ARHGAP26: variants seen among roughly 807,000 people sequenced by gnomAD.
ARHGAP26 encodes rho GTPase-activating protein 26.
Under a neutral mutation model 104.8 loss-of-function variants are expected in ARHGAP26, and 38 were observed. The observed-to-expected ratio is 0.36, with a 90% CI of 0.28 to 0.48. The LOEUF (loss-of-function observed/expected upper bound fraction) is 0.48. Among genes scored for constraint, ARHGAP26 ranks in the 20% least tolerant of loss-of-function variants. The probability of loss-of-function intolerance (pLI) is 0.99; values close to 1 mark genes in which losing one functional copy is unlikely to be tolerated. For missense variants in ARHGAP26, 704 were observed against 947.9 expected, an observed-to-expected ratio of 0.74 and a Z score of 3.38; for synonymous variants, 341 against 340.0, an observed-to-expected ratio of 1.00 and a Z score of -0.03.
At chr5:143,196,524 T>G (rs1436562748) in intron 20 of ARHGAP26, among the ~76,000 whole-genome samples, 2 of 152,152 alleles carry the variant, frequency 1.3e-5, no homozygotes, top group Admixed American at 1.3e-4. Flanking sequence ...GTCACCTCAT[T>G]TAATATTATT....
intron 17 of ARHGAP26, among the ~76,000 whole-genome samples, chr5:143,065,174 G>C (rs1327965345): frequency 6.6e-6 from 1 of 152,108 alleles, no homozygotes; most frequent in Non-Finnish European, 1.5e-5. Context: ...ACATGACTCA[G>C]TTTCTTCCTT....
chr5:142,897,458 G>T (rs3850572), intron 6 of ARHGAP26, among the ~76,000 whole-genome samples: 17,668 of 152,142 alleles, frequency 0.12, 1,988 homozygotes, highest in African/African-American at 0.29. Flanking sequence ...ATGGGGAGAA[G>T]GTATTCATAC....
At chr5:142,987,239 T>G (rs1774887732) in intron 11 of ARHGAP26, among the ~76,000 whole-genome samples, 1 of 152,212 alleles carries the variant, frequency 6.6e-6, no homozygotes, top group Non-Finnish European at 1.5e-5. Flanking sequence ...TCCTAGGTAT[T>G]TTATTCTCTT....
At chr5:143,056,233 G>A (rs1269948498) in intron 16 of ARHGAP26, 147 bp downstream of exon 16, 22 of 576,938 alleles carry the variant, frequency 3.8e-5, no homozygotes, top group Non-Finnish European at 3.0e-5. Context: ...ATTCTAACAC[G>A]GAATAAAAAG....
chr5:143,063,262 C>T (rs746519043), intron 17 of ARHGAP26, among the ~76,000 whole-genome samples: 5 of 152,162 alleles, frequency 3.3e-5, no homozygotes, highest in Non-Finnish European at 5.9e-5. Flanking sequence ...TCTCTGTCTC[C>T]ATCAGTACTC....
At chr5:143,081,050 T>C (rs80078050) in intron 17 of ARHGAP26, among the ~76,000 whole-genome samples, 2,209 of 152,132 alleles carry the variant, frequency 0.015, 51 homozygotes, top group East Asian at 0.1. Context: ...GTTTTTGGCC[T>C]TCACTGGGGG....
chr5:142,935,048 T>G (rs1765219097), intron 11 of ARHGAP26, among the ~76,000 whole-genome samples: 1 of 152,222 alleles, frequency 6.6e-6, no homozygotes, highest in African/African-American at 2.4e-5. Flanking sequence ...CTTCCTACAA[T>G]AAGCATTATG....
At chr5:142,978,741 G>A (rs1277594824) in intron 11 of ARHGAP26, among the ~76,000 whole-genome samples, 1 of 138,224 alleles carries the variant, frequency 7.2e-6, no homozygotes. Flanking sequence ...CAAGAAAGGA[G>A]TTTGCCTTTT....
rs145948711 is a variant in ARHGAP26, at chr5:142,912,259, A to G, written c.934-940A>G. 5.9e-5 allele frequency among the ~76,000 whole-genome samples: 9 copies of G among 152,368 alleles called. No homozygotes were observed. The East Asian group carries it at 7.7e-4, about 13-fold the overall frequency. On this transcript the variant is annotated intron_variant, in intron 9 of 22. Coordinates refer to ENST00000645722, the MANE Select transcript of ARHGAP26 (RefSeq NM_001135608.3). ...AAATAAGCCCTTGATATGCACAACA[A>G]TGTGGATGAATAGCAAAGCAATTAC... is the stretch of plus-strand genomic sequence containing the variant.
chr5:143,061,407 C>T (rs1786680100), intron 17 of ARHGAP26, among the ~76,000 whole-genome samples: 1 of 152,126 alleles, frequency 6.6e-6, no homozygotes, highest in Non-Finnish European at 1.5e-5. Context: ...GATTTATTAC[C>T]GTGTATGCAG....
At chr5:142,945,020 G>A (rs529519423) in intron 11 of ARHGAP26, among the ~76,000 whole-genome samples, 1 of 152,278 alleles carries the variant, frequency 6.6e-6, no homozygotes, top group East Asian at 1.9e-4. Flanking sequence ...CACCTGGGCT[G>A]TCCTCATTCA....
intron 17 of ARHGAP26, 36 bp downstream of exon 17, chr5:143,057,783 C>T (rs373338867): frequency 6.5e-7 from 1 of 1,546,674 alleles, no homozygotes; most frequent in East Asian, 2.2e-5. Flanking sequence ...TTTTTCTTAC[C>T]CCTGAAAGTT....
At chr5:143,059,909 C>G (rs1786447222) in intron 17 of ARHGAP26, among the ~76,000 whole-genome samples, 1 of 152,156 alleles carries the variant, frequency 6.6e-6, no homozygotes, top group South Asian at 2.1e-4. Flanking sequence ...GTTCTTGTCT[C>G]TCGAGCCTCT....
chr5:142,918,585 A>G (rs953046629), intron 10 of ARHGAP26, among the ~76,000 whole-genome samples: 1 of 152,196 alleles, frequency 6.6e-6, no homozygotes, highest in Non-Finnish European at 1.5e-5. Flanking sequence ...ATTGGCTTCT[A>G]CATGATTTCA....
intron 20 of ARHGAP26, among the ~76,000 whole-genome samples, chr5:143,198,434 A>G (rs1482733053): frequency 6.6e-6 from 1 of 152,216 alleles, no homozygotes; most frequent in Non-Finnish European, 1.5e-5. Context: ...GAAAAGATTG[A>G]GAGGCTACAC....
chr5:143,071,500 G>A (rs892917654), intron 17 of ARHGAP26, among the ~76,000 whole-genome samples: 1 of 152,186 alleles, frequency 6.6e-6, no homozygotes, highest in Non-Finnish European at 1.5e-5. Context: ...AGTCCTCAAT[G>A]TAGGACCCAA....
At chr5:143,145,205 T>C (rs1799016249) in intron 19 of ARHGAP26, among the ~76,000 whole-genome samples, 1 of 152,240 alleles carries the variant, frequency 6.6e-6, no homozygotes, top group African/African-American at 2.4e-5. Flanking sequence ...GTTTGTAGAA[T>C]GATAATCCTC....
At chr5:142,899,706 A>G (rs1178354336) in intron 6 of ARHGAP26, among the ~76,000 whole-genome samples, 2 of 151,772 alleles carry the variant, frequency 1.3e-5, no homozygotes, top group African/African-American at 4.8e-5. Flanking sequence ...AAAGGTTCAT[A>G]TAGTGTTGGG....
chr5:142,905,277 C>T (rs987346924), intron 8 of ARHGAP26, among the ~76,000 whole-genome samples: 1 of 152,150 alleles, frequency 6.6e-6, no homozygotes, highest in Non-Finnish European at 1.5e-5. Flanking sequence ...ACTCTCATGT[C>T]ACACACTTTT....
Sources: gnomAD v4.1 joint callset for allele counts (sites outside exome capture counted in the v4.1 genomes callset) on GRCh38, gnomAD v4.1.1 for gene constraint, MANE v1.5 for transcripts, NCBI Gene and HGNC (gene_info 2026-07-23, HGNC 2026-07-21) for gene names.